The following INPP4B variants were observed in gnomAD, a reference collection of about 807,000 sequenced individuals.
The protein encoded by INPP4B is inositol polyphosphate-4-phosphatase type II B.
INPP4B carries 55 observed loss-of-function variants against 122.5 expected under a neutral mutation model. The ratio of observed to expected loss-of-function variants is 0.45; its 90% CI spans 0.36 to 0.56. The LOEUF is 0.56. Among genes scored for constraint, INPP4B ranks in the 20% least tolerant of loss-of-function variants. The probability of loss-of-function intolerance (pLI) is 0.00; values close to 1 mark genes in which losing one functional copy is unlikely to be tolerated. For synonymous variants in INPP4B, 403 were observed against 388.7 expected, an observed-to-expected ratio of 1.04 and a Z score of -0.43; for missense variants, 1,000 against 1,097.7, an observed-to-expected ratio of 0.91 and a Z score of 1.26.
At chr4:142,733,385 A>G (rs965787553) in intron 1 of INPP4B, among the ~76,000 whole-genome samples, 5 of 152,186 alleles carry the variant, frequency 3.3e-5, no homozygotes, top group African/African-American at 4.8e-5. Context: ...ATAAAAAGAA[A>G]CCTGCAATAC....
At chr4:142,545,734 CATATATGTGTATATATATACACATGT>C (rs1829505652) in intron 2 of INPP4B, among the ~76,000 whole-genome samples, 5 of 111,386 alleles carry the variant, frequency 4.5e-5, no homozygotes, top group African/African-American at 2.0e-4. Flanking sequence ...TGTATATACA[CATATATGTGTATATATATACACATGT>C]ATATGTGTGT....
At chr4:142,199,108 C>A (rs1013139451) in intron 14 of INPP4B, among the ~76,000 whole-genome samples, 2 of 152,012 alleles carry the variant, frequency 1.3e-5, no homozygotes, top group African/African-American at 4.8e-5. Context: ...CTTCTCTAGG[C>A]TCACACAATG....
At chr4:142,742,341 C>A (rs766334625) in intron 1 of INPP4B, among the ~76,000 whole-genome samples, 98 of 152,126 alleles carry the variant, frequency 6.4e-4, no homozygotes, top group South Asian at 1.4e-3. Context: ...TGCTAAGTTG[C>A]ATTTTTAACT....
At chr4:142,456,641 TTATA>T (rs1815487163) in intron 3 of INPP4B, among the ~76,000 whole-genome samples, 1 of 152,142 alleles carries the variant, frequency 6.6e-6, no homozygotes, top group Non-Finnish European at 1.5e-5. Flanking sequence ...GTTTTGTTCT[TTATA>T]TAGAATCTAT....
At chr4:142,152,066 CTTTTTTTTTTTTTTTT>C (rs572092121) in intron 17 of INPP4B, among the ~76,000 whole-genome samples, 3 of 69,920 alleles carry the variant, frequency 4.3e-5, no homozygotes, top group Admixed American at 4.4e-4. Flanking sequence ...TTTGTCTTTT[CTTTTTTTTTTTTTTTT>C]TTTTTTTTTT....
intron 11 of INPP4B, among the ~76,000 whole-genome samples, chr4:142,243,595 G>A (rs924326726): frequency 2.0e-5 from 3 of 151,984 alleles, no homozygotes; most frequent in East Asian, 1.9e-4. Context: ...TAAATCACAC[G>A]GAGAAAATAT....
Position 142,417,698 on chromosome 4 carries a change from C to G in INPP4B, c.136+11475G>C, listed in dbSNP as rs192585766. On this transcript the variant is annotated intron_variant, in intron 5 of 25. Transcript: ENST00000262992. ...AATCACTTATACATCTAGCACTATT[C>G]TTAGTGCTTTAGGAATGCTGTCTGA... is the stretch of plus-strand genomic sequence containing the variant. Among the ~76,000 whole-genome samples the G allele has an allele frequency of 9.2e-5, 14 of 152,100 alleles. No individual in the cohort carries two copies. In the East Asian group the frequency reaches 2.7e-3, roughly 30 times the overall value.
intron 2 of INPP4B, among the ~76,000 whole-genome samples, chr4:142,590,774 C>G (rs1737258745): frequency 6.6e-6 from 1 of 150,634 alleles, no homozygotes; most frequent in East Asian, 1.9e-4. Flanking sequence ...CTTACTTTGT[C>G]CATGGACACA....
At chr4:142,229,343 C>G (rs776615301) in intron 12 of INPP4B, among the ~76,000 whole-genome samples, 1 of 151,958 alleles carries the variant, frequency 6.6e-6, no homozygotes, top group South Asian at 2.1e-4. Context: ...GTGTGATTCT[C>G]AATAAAGTAT....
intron 2 of INPP4B, among the ~76,000 whole-genome samples, chr4:142,716,693 T>C (rs546414920): frequency 7.2e-5 from 11 of 152,358 alleles, no homozygotes; most frequent in Non-Finnish European, 1.0e-4. Context: ...CAAGTCTACA[T>C]TAGCAGCAAG....
chr4:142,193,729 G>C (rs1836986864), intron 14 of INPP4B, among the ~76,000 whole-genome samples: 1 of 152,102 alleles, frequency 6.6e-6, no homozygotes. Flanking sequence ...TCAAATAGAT[G>C]CTTTTGCAAT....
intron 7 of INPP4B, among the ~76,000 whole-genome samples, chr4:142,345,619 G>A (rs1230831702): frequency 1.3e-5 from 2 of 152,038 alleles, no homozygotes; most frequent in Non-Finnish European, 2.9e-5. Flanking sequence ...ACATTAATTA[G>A]AGAGCGTAGT....
At chr4:142,268,580 A>G (rs1202803445) in intron 10 of INPP4B, among the ~76,000 whole-genome samples, 1 of 152,024 alleles carries the variant, frequency 6.6e-6, no homozygotes, top group Admixed American at 6.6e-5. Context: ...ATTACTCACA[A>G]TAACTAAGAT....
intron 12 of INPP4B, among the ~76,000 whole-genome samples, chr4:142,217,236 TAGCATTAA>T (rs1401856872): frequency 6.6e-6 from 1 of 152,168 alleles, no homozygotes. Flanking sequence ...ATTTAAAACA[TAGCATTAA>T]AGCCCACTGA....
intron 25 of INPP4B, chr4:142,029,401 A>G (rs1738401940): frequency 1.0e-6 from 1 of 981,518 alleles, no homozygotes. Context: ...AGGAAGAGAG[A>G]AAATGGCTTT....
chr4:142,580,181 G>A (rs995812735), intron 2 of INPP4B, among the ~76,000 whole-genome samples: 2 of 151,638 alleles, frequency 1.3e-5, no homozygotes, highest in African/African-American at 4.8e-5. Flanking sequence ...CCCAGGACTA[G>A]AAGACTGGGT....
At chr4:142,570,678 C>T (rs1353738621) in intron 2 of INPP4B, among the ~76,000 whole-genome samples, 1 of 151,922 alleles carries the variant, frequency 6.6e-6, no homozygotes, top group Non-Finnish European at 1.5e-5. Context: ...CAATCTAACT[C>T]ATTTTAACTG....
intron 2 of INPP4B, among the ~76,000 whole-genome samples, chr4:142,672,043 T>C (rs1757073436): frequency 6.6e-6 from 1 of 152,316 alleles, no homozygotes; most frequent in African/African-American, 2.4e-5. Flanking sequence ...TTTCCCATAC[T>C]GTATGTTGTT....
chr4:142,498,163 ATATG>A lies in INPP4B; in HGVS notation c.-190-35441_-190-35438del, dbSNP rs1822874336. Among the ~76,000 whole-genome samples the A allele has an allele frequency of 1.3e-5, 2 of 150,800 alleles. 1 individual carries two copies. The highest frequency in any genetic ancestry group is 1.3e-4 in the Admixed American group (2 of 15,114). Reference sequence around the variant, plus strand: ...TATACATACATATGTGTATACATATATATGTATGTATACATACATATGTATGTGT... The same window carrying A: ...TATACATACATATGTGTATACATATATATGTATACATACATATGTATGTGT... On this transcript the variant is annotated intron_variant, in intron 2 of 25. Transcript: ENST00000262992.
Sources: gnomAD v4.1 joint callset for allele counts (sites outside exome capture counted in the v4.1 genomes callset) on GRCh38, gnomAD v4.1.1 for gene constraint, MANE v1.5 for transcripts, NCBI Gene and HGNC (gene_info 2026-07-23, HGNC 2026-07-21) for gene names.